BABAM2: variants seen among roughly 807,000 people sequenced by gnomAD.
BABAM2 encodes the protein BRISC and BRCA1 A complex member 2, also known as BRISC and BRCA1-A complex member 2.
Under a neutral mutation model 54.7 loss-of-function variants are expected in BABAM2, and 31 were observed. The observed-to-expected ratio is 0.57, with a 90% CI of 0.43 to 0.77. The LOEUF is 0.77. BABAM2 is among the 30% of genes least tolerant of loss of function. The pLI is 0.00. For synonymous variants in BABAM2, 167 were observed against 162.9 expected (o/e 1.03, Z -0.19); for missense variants, 364 against 455.8 (o/e 0.80, Z 1.83).
chr2:28,028,821 C>A (rs1241434156), intron 5 of BABAM2, among the ~76,000 whole-genome samples: 1 of 152,048 alleles, frequency 6.6e-6, no homozygotes, highest in Non-Finnish European at 1.5e-5. Context: ...GGCTGGAGTG[C>A]AGTGGCGTAC....
chr2:28,133,711 A>G (rs940539513), intron 7 of BABAM2, among the ~76,000 whole-genome samples: 2 of 152,196 alleles, frequency 1.3e-5, no homozygotes, highest in African/African-American at 4.8e-5. Context: ...ACTCCCAGCA[A>G]TTGGAAAAGA....
intron 3 of BABAM2, among the ~76,000 whole-genome samples, chr2:27,941,304 C>T (rs1002218034): frequency 1.3e-5 from 2 of 152,150 alleles, no homozygotes; most frequent in African/African-American, 4.8e-5. Flanking sequence ...GTGGCTCACG[C>T]CTGTAATCCC....
At chr2:28,084,793 C>T (rs1665497764) in intron 6 of BABAM2, among the ~76,000 whole-genome samples, 2 of 152,120 alleles carry the variant, frequency 1.3e-5, no homozygotes, top group African/African-American at 4.8e-5. Flanking sequence ...CTTCTGCCTT[C>T]TCATAGTCTA....
Position 27,983,942 on chromosome 2 carries a change from C to CTTTTTTTTTTTTTTTTTTT in BABAM2, c.206-4050_206-4032dup. On this transcript the variant is annotated intron_variant, in intron 3 of 11. Transcript: ENST00000379624. ...TTTCCAATGTAGATACATTTTGTAC[C>CTTTTTTTTTTTTTTTTTTT]TTTTTTTTTTTTTTTTTTTGCCAAA... 3.6e-3 allele frequency among the ~76,000 whole-genome samples: 112 copies of CTTTTTTTTTTTTTTTTTTT among 31,132 alleles called. 13 individuals carry two copies. The highest frequency in any genetic ancestry group is 4.7e-3 in the Non-Finnish European group (72 of 15,372). The allele number at this position is 31,132 out of a possible 152,430, so 20.4% of individuals were successfully genotyped here.
chr2:28,292,023 G>A (rs945968895), intron 10 of BABAM2, among the ~76,000 whole-genome samples: 1 of 152,172 alleles, frequency 6.6e-6, no homozygotes, highest in African/African-American at 2.4e-5. Flanking sequence ...ATTCAACAAG[G>A]GGTTAAAACG....
chr2:27,976,096 C>T (rs1335262343), intron 3 of BABAM2, among the ~76,000 whole-genome samples: 1 of 152,116 alleles, frequency 6.6e-6, no homozygotes, highest in African/African-American at 2.4e-5. Context: ...CTGGAACTCT[C>T]ATGCGTTGTT....
At chr2:28,043,254 C>A (rs923184312) in intron 5 of BABAM2, among the ~76,000 whole-genome samples, 2 of 151,606 alleles carry the variant, frequency 1.3e-5, no homozygotes, top group Admixed American at 6.6e-5. Flanking sequence ...CCTCAGCCGC[C>A]CCAGTAGCTG....
intron 4 of BABAM2, among the ~76,000 whole-genome samples, chr2:28,022,077 G>T (rs1675310019): frequency 6.6e-6 from 1 of 152,160 alleles, no homozygotes; most frequent in South Asian, 2.1e-4. Context: ...AGGATTGGTT[G>T]GGCTTGTTCA....
chr2:28,154,802 TC>T (rs1424912780), intron 7 of BABAM2, among the ~76,000 whole-genome samples: 1 of 152,200 alleles, frequency 6.6e-6, no homozygotes, highest in East Asian at 1.9e-4. Flanking sequence ...TCAAAATGGC[TC>T]AGAAAATGTG....
At chr2:28,081,250 G>A (rs886310641) in intron 6 of BABAM2, among the ~76,000 whole-genome samples, 2 of 152,148 alleles carry the variant, frequency 1.3e-5, no homozygotes, top group Non-Finnish European at 2.9e-5. Flanking sequence ...CAAAGCGCCT[G>A]CATGTGCTTC....
At chr2:28,094,049 T>G (rs546757810) in intron 6 of BABAM2, among the ~76,000 whole-genome samples, 1 of 152,324 alleles carries the variant, frequency 6.6e-6, no homozygotes, top group South Asian at 2.1e-4. Flanking sequence ...GCCTGTTCAG[T>G]GCAGGCCTAG....
intron 7 of BABAM2, among the ~76,000 whole-genome samples, chr2:28,180,090 A>G (rs532104418): frequency 6.6e-6 from 1 of 152,204 alleles, no homozygotes; most frequent in South Asian, 2.1e-4. Context: ...TACCAATGTC[A>G]TTTTTCACAG....
intron 5 of BABAM2, 23 bp from the exon 6 acceptor site, chr2:28,045,702 T>C (rs775599016): frequency 2.5e-5 from 40 of 1,588,830 alleles, no homozygotes; most frequent in Non-Finnish European, 3.1e-5. Context: ...TTTAATCTTA[T>C]TATTATAACT....
chr2:27,969,162 C>G (rs991334429), intron 3 of BABAM2, among the ~76,000 whole-genome samples: 10 of 152,174 alleles, frequency 6.6e-5, no homozygotes, highest in Admixed American at 4.6e-4. Flanking sequence ...CTGCTGCCAT[C>G]CATGTAAGAT....
chr2:28,336,901 C>T (rs1265043441), intron 11 of BABAM2, among the ~76,000 whole-genome samples: 1 of 152,246 alleles, frequency 6.6e-6, no homozygotes, highest in East Asian at 1.9e-4. Flanking sequence ...CTCACTGCTG[C>T]TGTGAATCTG....
At chr2:27,944,551 C>CAGT (rs1669156116) in intron 3 of BABAM2, among the ~76,000 whole-genome samples, 1 of 152,158 alleles carries the variant, frequency 6.6e-6, no homozygotes, top group Non-Finnish European at 1.5e-5. Flanking sequence ...CATGTTACAT[C>CAGT]AGTACTTTGT....
intron 3 of BABAM2, among the ~76,000 whole-genome samples, chr2:27,940,064 C>T (rs1668764068): frequency 6.6e-6 from 1 of 152,118 alleles, no homozygotes; most frequent in South Asian, 2.1e-4. Flanking sequence ...AAGAGAAGTC[C>T]TTGAATCTCA....
intron 11 of BABAM2, chr2:28,308,418 TGAA>T: frequency 1.9e-6 from 1 of 522,142 alleles, no homozygotes. Flanking sequence ...GAGTCAGCCA[TGAA>T]GAAGATAGAA....
rs145793987 is a variant in BABAM2 at position 28,301,179 on chromosome 2, A to G, written c.1088+2688A>G. Among the ~76,000 whole-genome samples, 510 of 152,350 alleles carry G rather than the reference A, an allele frequency of 3.3e-3. 5 individuals carry two copies. Among genetic ancestry groups the G allele is most frequent in the African/African-American group, 0.011 (477 of 41,582 alleles). On this transcript the variant is annotated intron_variant, in intron 11 of 11. Transcript: ENST00000379624. ...ATAATTCACTTGGGGAGCTCTGCCC[A>G]TGACATAAACACTCTCATGGTTTAT...
Sources: allele counts gnomAD v4.1 joint callset (sites outside exome capture counted in the v4.1 genomes callset), GRCh38; gene constraint gnomAD v4.1.1; transcripts MANE v1.5; gene names NCBI Gene and HGNC (gene_info 2026-07-23, HGNC 2026-07-21).